NAV1: variants seen among roughly 807,000 people sequenced by gnomAD.
NAV1 encodes pore membrane and/or filament interacting like protein 3.
NAV1 carries 18 observed loss-of-function variants against 175.2 expected under a neutral mutation model. The ratio of observed to expected loss-of-function variants is 0.10; its 90% CI spans 0.07 to 0.15. NAV1 has a LOEUF of 0.15. Ranked by LOEUF, NAV1 falls within the 10% of genes least tolerant of loss-of-function variation. The pLI is 1.00. For synonymous variants in NAV1, 897 were observed against 978.7 expected, an observed-to-expected ratio of 0.92 and a Z score of 1.56; for missense variants, 1,731 against 2,436.6, an observed-to-expected ratio of 0.71 and a Z score of 6.10.
chr1:201,629,858 G>A (rs1668436790), intron 2 of NAV1, among the ~76,000 whole-genome samples: 1 of 152,156 alleles, frequency 6.6e-6, no homozygotes, highest in Non-Finnish European at 1.5e-5. Flanking sequence ...GCTGGAATTA[G>A]GGAGGCAGGC....
rs1048579635 is a variant in NAV1 at position 201,546,351 on chromosome 1, T to G, written c.-144+7009T>G. ...TCAGCCACACTTACCCCTACCTCAC[T>G]GGGTGAGTCTGTGGAAGCTGCACCC... On this transcript the variant is annotated intron_variant, in intron 1 of 33. Coordinates refer to the NAV1 transcript ENST00000685211. 3.3e-5 allele frequency among the ~76,000 whole-genome samples: 5 copies of G among 152,166 alleles called. No individual in the cohort carries two copies. The South Asian group carries it at 1.0e-3, about 32-fold the overall frequency.
chr1:201,622,688 T>C (rs59745735), upstream of NAV1, among the ~76,000 whole-genome samples: 9,388 of 151,978 alleles, frequency 0.062, 948 homozygotes, highest in African/African-American at 0.21. Flanking sequence ...TTGCCCAGAG[T>C]CCAGCGGGTA....
At chr1:201,623,227 G>A (rs1346624743) in exon 1 of NAV1, 6 of 985,986 alleles carry the variant, frequency 6.1e-6, no homozygotes, top group Non-Finnish European at 7.2e-6. Context: ...CTCCAGCCGG[G>A]CTGGATCCGG....
upstream of NAV1, among the ~76,000 whole-genome samples, chr1:201,644,620 A>C (rs534824324): frequency 1.1e-4 from 17 of 152,280 alleles, no homozygotes; most frequent in African/African-American, 4.1e-4. Flanking sequence ...TTAACCCATG[A>C]GATGTGCATA....
At chr1:201,691,038 T>G (rs905896781) in intron 1 of NAV1, among the ~76,000 whole-genome samples, 1 of 152,172 alleles carries the variant, frequency 6.6e-6, no homozygotes. Context: ...GGGGAGTTGT[T>G]AATGTTAACG....
intron 2 of NAV1, among the ~76,000 whole-genome samples, chr1:201,590,722 GGCTTAGCCGA>G (rs1378227862): frequency 6.6e-6 from 1 of 152,234 alleles, no homozygotes; most frequent in Non-Finnish European, 1.5e-5. Flanking sequence ...CCAGTGGGCT[GGCTTAGCCGA>G]GTCGGCCAGG....
At position 201,716,803 on chromosome 1, in the gene NAV1, G is replaced by T. The variant is rs780363141; in HGVS notation, c.861-1587G>T. ...TGAGGCAGGAGGGTCACTTGAGCTC[G>T]GGAGGTCAAGGCTGCAGTGAGCCGT... On this transcript the variant is annotated intron_variant, in intron 2 of 29. Transcript: ENST00000367296. Among the ~76,000 whole-genome samples the T allele has an allele frequency of 5.9e-5, 9 of 152,230 alleles. No homozygotes were observed. The East Asian group carries it at 9.6e-4, about 16-fold the overall frequency.
intron 24 of NAV1, 134 bp from the exon 29 acceptor site, chr1:201,811,469 T>C: frequency 9.7e-7 from 1 of 1,028,390 alleles, no homozygotes. Flanking sequence ...GGTAATCTGC[T>C]GTAATCAAAT....
At chr1:201,584,409 T>C (rs1385818797) in intron 1 of NAV1, among the ~76,000 whole-genome samples, 1 of 152,206 alleles carries the variant, frequency 6.6e-6, no homozygotes, top group Admixed American at 6.5e-5. Context: ...AGAGTCATAA[T>C]GTGTTAGGAA....
chr1:201,644,281 G>A (rs1668903366), upstream of NAV1, among the ~76,000 whole-genome samples: 1 of 152,180 alleles, frequency 6.6e-6, no homozygotes, highest in African/African-American at 2.4e-5. Flanking sequence ...TCAGGGCTGG[G>A]TTTGGAGATA....
intron 6 of NAV1, among the ~76,000 whole-genome samples, chr1:201,783,110 T>C (rs1403909025): frequency 6.6e-6 from 1 of 152,208 alleles, no homozygotes; most frequent in Non-Finnish European, 1.5e-5. Flanking sequence ...TGATCAATGC[T>C]TACCCTGTCT....
chr1:201,614,094 A>G (rs1379522959), intron 2 of NAV1, among the ~76,000 whole-genome samples: 1 of 151,454 alleles, frequency 6.6e-6, no homozygotes, highest in Non-Finnish European at 1.5e-5. Flanking sequence ...TGGCTCCAGG[A>G]CCTCTGTTTT....
chr1:201,703,385 CGA>C (rs2102448493), intron 1 of NAV1, among the ~76,000 whole-genome samples: 1 of 152,276 alleles, frequency 6.6e-6, no homozygotes, highest in Admixed American at 6.5e-5. Flanking sequence ...AGAATATGTT[CGA>C]GAGTCTGCTA....
intron 16 of NAV1, 40 bp from the exon 21 acceptor site, chr1:201,804,449 T>TC (rs1678146025): frequency 3.3e-6 from 5 of 1,534,394 alleles, no homozygotes; most frequent in Non-Finnish European, 3.5e-6. Flanking sequence ...TTTTTTTTTT[T>TC]CCTTCAAAAT....
chr1:201,762,567 C>T (rs191787634), intron 3 of NAV1, among the ~76,000 whole-genome samples: 115 of 152,256 alleles, frequency 7.6e-4, no homozygotes, highest in Non-Finnish European at 1.2e-3. Flanking sequence ...GGAACATAGC[C>T]GGATTCATTT....
At chr1:201,809,141 T>C (rs1182190661) in intron 20 of NAV1, 23 bp from the exon 25 acceptor site, 1 of 1,609,378 alleles carries the variant, frequency 6.2e-7, no homozygotes, top group Non-Finnish European at 8.5e-7. Context: ...CTAAAACCAG[T>C]TGGTTCTTTT....
intron 3 of NAV1, among the ~76,000 whole-genome samples, chr1:201,732,743 G>A (rs1235746119): frequency 6.6e-6 from 1 of 152,212 alleles, no homozygotes; most frequent in Non-Finnish European, 1.5e-5. Flanking sequence ...AGATGTGGCA[G>A]GAGGAAAAAT....
At chr1:201,572,753 A>C (rs1666584059) in intron 1 of NAV1, among the ~76,000 whole-genome samples, 1 of 152,168 alleles carries the variant, frequency 6.6e-6, no homozygotes, top group African/African-American at 2.4e-5. Flanking sequence ...AAGTCATCAC[A>C]AGACTCAAAG....
intron 1 of NAV1, among the ~76,000 whole-genome samples, chr1:201,699,992 A>C (rs1220769242): frequency 6.6e-6 from 1 of 152,246 alleles, no homozygotes; most frequent in Non-Finnish European, 1.5e-5. Context: ...AAAACCCTAG[A>C]AGAAAACCTA....
Sources: gnomAD v4.1 joint callset for allele counts (sites outside exome capture counted in the v4.1 genomes callset) on GRCh38, gnomAD v4.1.1 for gene constraint, MANE v1.5 for transcripts, NCBI Gene and HGNC (gene_info 2026-07-23, HGNC 2026-07-21) for gene names.